The following USP4 variants were observed in gnomAD, a reference collection of about 807,000 sequenced individuals.
USP4 encodes ubiquitin specific peptidase 4, also known as ubiquitin carboxyl-terminal hydrolase 4.
A neutral mutation model predicts 118.2 loss-of-function variants in USP4; 72 were observed. The observed-to-expected ratio is 0.61, with a 90% CI of 0.50 to 0.74. The LOEUF (loss-of-function observed/expected upper bound fraction) is 0.74. USP4 is among the 30% of genes least tolerant of loss of function. The pLI, the probability that USP4 is intolerant of heterozygous loss-of-function variation, is 0.00. For synonymous variants in USP4, 415 were observed against 440.4 expected (o/e 0.94, Z 0.72); for missense variants, 1,037 against 1,185.7 (o/e 0.87, Z 1.84).
At position 49,294,564 on chromosome 3, in the gene USP4, C is replaced by G. The variant is rs1258668676; in HGVS notation, c.1726G>C (p.Glu576Gln). ...EVCSTSVDGS[E>Q]CVTLPVYFRE... ...AAGTAGACTGGAAGCGTGACACATTCCGAGCCATCCACGGAAGTGCTGCAG... is the reference window on the plus strand; with the variant it reads ...AAGTAGACTGGAAGCGTGACACATTGCGAGCCATCCACGGAAGTGCTGCAG... The change falls in exon 14 of 22, where the codon GAA (glutamate) becomes CAA (glutamine). Residue 576 changes from glutamate to glutamine, a missense_variant. Around this residue, in one of 3 missense-constraint regions of USP4, gnomAD observed 522 missense variants for 592.6 expected, o/e 0.88. Transcript: ENST00000265560. The G allele has an allele frequency of 1.2e-5, 19 of 1,614,134 alleles. No homozygotes were observed. Among genetic ancestry groups the G allele is most frequent in the Non-Finnish European group, 1.4e-5 (16 of 1,180,018 alleles).
chr3:49,324,721 T>A lies in USP4; in HGVS notation c.676A>T (p.Arg226Trp), dbSNP rs778473322. 1.7e-5 allele frequency: 28 copies of A among 1,614,110 alleles called. No homozygotes were observed. In the Admixed American group the frequency reaches 3.8e-4, roughly 22 times the overall value. ...EPQNEDGTWP[R>W]QTLQSKSSTA... ...ACTTACTTTGACTGCAAGGTCTGCC[T>A]GGGCCATGTGCCATCTTCATTTTGA... Residue 226 changes from arginine to tryptophan, a missense_variant, in exon 6 of 22, where the codon AGG becomes TGG. By Grantham distance (101) the Arg-to-Trp change is moderately radical (BLOSUM62 -3). Transcript: ENST00000265560.
Position 49,294,487 on chromosome 3 carries a change from A to G in USP4, c.1803T>C (p.Tyr601=), listed in dbSNP as rs61761586. 2.7e-4 allele frequency: 443 copies of G among 1,614,114 alleles called. No individual in the cohort carries two copies. The highest frequency in any genetic ancestry group is 3.6e-4 in the Non-Finnish European group (428 of 1,180,046). ...PSSTSSASAL[Y]GQPLLLSVPK... ...GGACAGAAAGCAATAGTGGCTGCCCATATAGCGCTGATGCGGAGGAAGTGC... is the reference window on the plus strand; with the variant it reads ...GGACAGAAAGCAATAGTGGCTGCCCGTATAGCGCTGATGCGGAGGAAGTGC... The change falls in exon 14 of 22, where the codon TAT becomes TAC. Residue 601 remains tyrosine, a synonymous_variant. Transcript: ENST00000265560.
At chr3:49,320,305 G>A (rs983415813) in intron 6 of USP4, among the ~76,000 whole-genome samples, 3 of 152,172 alleles carry the variant, frequency 2.0e-5, no homozygotes, top group Admixed American at 6.6e-5. Context: ...AGCCGGGCGT[G>A]GTGGCGCATG....
At chr3:49,291,186 G>C (rs1053203483) in intron 15 of USP4, among the ~76,000 whole-genome samples, 1 of 149,946 alleles carries the variant, frequency 6.7e-6, no homozygotes, top group Non-Finnish European at 1.5e-5. Flanking sequence ...GGATAGTTTC[G>C]ATCTCCTGAC....
Position 49,289,953 on chromosome 3 carries a change from GA to G in USP4, c.1972+2556del, listed in dbSNP as rs920992830. ...AAACCTTGCTTGTCTCCACAAAAAA[GA>G]AAAAAAAAGAAAAAGAAATTAGCTG... On this transcript the variant is annotated intron_variant, in intron 15 of 21. Coordinates refer to ENST00000265560, the MANE Select transcript of USP4 (RefSeq NM_003363.4). 7.3e-5 allele frequency among the ~76,000 whole-genome samples: 11 copies of G among 150,356 alleles called. No homozygotes were observed. In the East Asian group the frequency reaches 1.6e-3, roughly 21 times the overall value.
At chr3:49,284,975 T>G in intron 16 of USP4, 56 bp from the exon 17 acceptor site, 18 of 1,425,930 alleles carry the variant, frequency 1.3e-5, no homozygotes, top group Non-Finnish European at 1.7e-5. Context: ...GGAAAGGCTC[T>G]CCAAGTGACA....
chr3:49,329,701 G>A (rs1400477999), intron 2 of USP4, among the ~76,000 whole-genome samples: 2 of 152,060 alleles, frequency 1.3e-5, no homozygotes, highest in Non-Finnish European at 2.9e-5. Context: ...GCACCAGGTG[G>A]AATCATGAAT....
At chr3:49,290,337 C>G (rs1156988883) in intron 15 of USP4, among the ~76,000 whole-genome samples, 4 of 152,118 alleles carry the variant, frequency 2.6e-5, no homozygotes, top group Non-Finnish European at 4.4e-5. Context: ...TCCCCTGAAC[C>G]CAAGAGACTG....
intron 1 of USP4, among the ~76,000 whole-genome samples, chr3:49,337,912 G>A (rs1444256195): frequency 6.6e-6 from 1 of 151,724 alleles, no homozygotes; most frequent in African/African-American, 2.4e-5. Context: ...GGGGCATGGT[G>A]GTGCATGCCT....
intron 2 of USP4, among the ~76,000 whole-genome samples, chr3:49,331,319 CAA>C (rs57599688): frequency 4.5e-4 from 66 of 146,878 alleles, no homozygotes; most frequent in Middle Eastern, 3.6e-3. Flanking sequence ...AACTCCGACT[CAA>C]AAAAAAAAAA....
Position 49,277,222 on chromosome 3 carries a change from C to G in USP4, c.*1071G>C. 7.5e-7 allele frequency: 1 copy of G among 1,324,566 alleles called. No homozygotes were observed. 82.1% of individuals were successfully genotyped at this position (1,324,566 alleles called of 1,614,324 possible). A position where few individuals can be genotyped will look rare whatever the true frequency, so the allele number is the denominator to read the frequency against. The stretch of plus-strand genomic sequence containing the variant: ...TGACGCCGACCCATCCAACGGTCAT[C>G]GCATGCGCGTGCCCCGCGCAGGCCC... On this transcript the variant is annotated 3_prime_UTR_variant, in exon 22 of 22. Coordinates refer to ENST00000265560, the MANE Select transcript of USP4 (RefSeq NM_003363.4).
At chr3:49,278,989 A>C in intron 20 of USP4, 87 bp from the exon 21 acceptor site, 1 of 845,238 alleles carries the variant, frequency 1.2e-6, no homozygotes, top group Non-Finnish European at 1.8e-6. Context: ...TAAACACAAA[A>C]ATCCCCAAAA....
chr3:49,280,075 C>A (rs1048699915), intron 20 of USP4, among the ~76,000 whole-genome samples: 1 of 152,046 alleles, frequency 6.6e-6, no homozygotes, highest in Non-Finnish European at 1.5e-5. Flanking sequence ...CCAGCCTGGG[C>A]AACATGCCAA....
At chr3:49,324,551 G>A (rs1020527864) in intron 6 of USP4, 151 bp downstream of exon 6, 18 of 732,068 alleles carry the variant, frequency 2.5e-5, no homozygotes, top group African/African-American at 8.8e-5. Flanking sequence ...CAAAAGCCAC[G>A]GTCTTCATCC....
intron 6 of USP4, among the ~76,000 whole-genome samples, chr3:49,315,186 T>C (rs9864406): frequency 0.19 from 28,440 of 151,536 alleles, 2,941 homozygotes; most frequent in African/African-American, 0.25. Flanking sequence ...GAACTTCTCT[T>C]TACAGAACAG....
At chr3:49,331,453 T>C (rs2047617018) in intron 2 of USP4, among the ~76,000 whole-genome samples, 2 of 151,890 alleles carry the variant, frequency 1.3e-5, no homozygotes, top group South Asian at 4.1e-4. Flanking sequence ...AAACCCCATC[T>C]CTACTAAAAG....
intron 19 of USP4, among the ~76,000 whole-genome samples, chr3:49,281,144 A>G (rs900580691): frequency 2.0e-5 from 3 of 152,002 alleles, no homozygotes; most frequent in Non-Finnish European, 2.9e-5. Flanking sequence ...AACATGGTGA[A>G]ATCCCGTCTC....
intron 1 of USP4, among the ~76,000 whole-genome samples, chr3:49,338,604 G>A (rs2047696767): frequency 6.7e-6 from 1 of 149,456 alleles, no homozygotes; most frequent in African/African-American, 2.5e-5. Context: ...GGAGGTTGCC[G>A]TGACCCGAGA....
chr3:49,308,681 C>A (rs975504364), intron 8 of USP4, among the ~76,000 whole-genome samples: 1 of 151,826 alleles, frequency 6.6e-6, no homozygotes, highest in African/African-American at 2.4e-5. Flanking sequence ...CTCACGTGAG[C>A]TTCCATAGTT....
Sources: allele counts gnomAD v4.1 joint callset (sites outside exome capture counted in the v4.1 genomes callset), GRCh38; gene constraint gnomAD v4.1.1; regional missense constraint gnomAD v4.1.1; transcripts MANE v1.5; gene names NCBI Gene and HGNC (gene_info 2026-07-23, HGNC 2026-07-21).